The following ZNF236 variants were observed in gnomAD, a reference collection of about 807,000 sequenced individuals.
ZNF236 encodes regulated by glucose.
A neutral mutation model predicts 191.2 loss-of-function variants in ZNF236; 50 were observed. The observed-to-expected ratio is 0.26, with a 90% CI of 0.21 to 0.33. The LOEUF (loss-of-function observed/expected upper bound fraction) is 0.33, where lower values mean the gene tolerates loss of function less well. ZNF236 is among the 10% of genes least tolerant of loss of function. ZNF236 has a pLI of 1.00. For missense variants in ZNF236, 1,754 were observed against 2,374.5 expected (o/e 0.74, Z 5.43); for synonymous variants, 907 against 928.8 (o/e 0.98, Z 0.43).
rs566578899 is a variant in ZNF236, at chr18:76,922,979, C to T, written c.3558-92C>T. ...TTTTCTTGGCCAAACTTAAGCAGAACGTAGTAACACCTAATTTTAATTTAT... is the reference window on the plus strand; with the variant it reads ...TTTTCTTGGCCAAACTTAAGCAGAATGTAGTAACACCTAATTTTAATTTAT... On this transcript the variant is annotated intron_variant, in intron 20 of 30. Transcript: ENST00000320610. The T allele has an allele frequency of 8.5e-5, 80 of 941,360 alleles. No individual in the cohort carries two copies. In the African/African-American group the frequency reaches 1.1e-3, roughly 13 times the overall value. 58.3% of individuals were successfully genotyped at this position (941,360 alleles called of 1,614,324 possible). A position where few individuals can be genotyped will look rare whatever the true frequency, so the allele number is the denominator to read the frequency against.
At chr18:76,896,773 A>G (rs1174981184) in intron 10 of ZNF236, among the ~76,000 whole-genome samples, 2 of 151,690 alleles carry the variant, frequency 1.3e-5, no homozygotes, top group African/African-American at 4.8e-5. Context: ...TACAGCACAC[A>G]GGTACTGCAT....
chr18:76,906,730 C>T lies in ZNF236; in HGVS notation c.2297+1315C>T, dbSNP rs527661414. Among the ~76,000 whole-genome samples the T allele has an allele frequency of 3.3e-5, 5 of 152,230 alleles. 1 individual carries two copies. Among genetic ancestry groups the T allele is most frequent in the African/African-American group, 1.2e-4 (5 of 41,542 alleles). On this transcript the variant is annotated intron_variant, in intron 13 of 30. Transcript: ENST00000320610. ...TGCGACCATTGTTTGTCATCAGTTTCGAGGGACACATGTAGGAGATGAATG... is the reference window on the plus strand; with the variant it reads ...TGCGACCATTGTTTGTCATCAGTTTTGAGGGACACATGTAGGAGATGAATG...
chr18:76,954,245 G>A (rs470385), intron 27 of ZNF236, among the ~76,000 whole-genome samples: 20,864 of 152,130 alleles, frequency 0.14, 1,841 homozygotes, highest in East Asian at 0.36. Flanking sequence ...TTAAAGTTTC[G>A]TGTGTTTGTT....
intron 10 of ZNF236, among the ~76,000 whole-genome samples, chr18:76,896,563 A>G (rs1343467975): frequency 6.7e-6 from 1 of 149,636 alleles, no homozygotes; most frequent in Non-Finnish European, 1.5e-5. Context: ...GCACACAGGT[A>G]CCAAGCACAG....
At chr18:76,873,750 C>G (rs1284057111) in intron 5 of ZNF236, among the ~76,000 whole-genome samples, 1 of 152,166 alleles carries the variant, frequency 6.6e-6, no homozygotes, top group African/African-American at 2.4e-5. Flanking sequence ...TCTTCGCAGG[C>G]AGTGTCGTGA....
intron 1 of ZNF236, among the ~76,000 whole-genome samples, chr18:76,840,648 C>T (rs1260600913): frequency 2.1e-5 from 2 of 96,280 alleles, no homozygotes; most frequent in Non-Finnish European, 3.9e-5. Flanking sequence ...TTTTTTGAGA[C>T]GGAGTCTTGC....
At chr18:76,826,039 A>G (rs990908760) in intron 1 of ZNF236, among the ~76,000 whole-genome samples, 2 of 152,216 alleles carry the variant, frequency 1.3e-5, no homozygotes, top group African/African-American at 4.8e-5. Flanking sequence ...CCCTATTATG[A>G]ATTTCATTCC....
chr18:76,950,067 GA>G (rs1968367411), intron 27 of ZNF236, among the ~76,000 whole-genome samples: 1 of 152,150 alleles, frequency 6.6e-6, no homozygotes, highest in Non-Finnish European at 1.5e-5. Context: ...TTTGCTGGTT[GA>G]GGGTCTTGCC....
rs1483982733 is a variant in ZNF236 at position 76,972,143 on chromosome 18, AC to A, written c.*3807del. ...AATTTCAAAAGCGCCTACACGCACCACCCAATTTAATGTCGTATCTGTACTT... is the reference window on the plus strand; with the variant it reads ...AATTTCAAAAGCGCCTACACGCACCACCAATTTAATGTCGTATCTGTACTT... On this transcript the variant is annotated 3_prime_UTR_variant, in exon 31 of 31. Coordinates refer to ENST00000320610, the MANE Select transcript of ZNF236 (RefSeq NM_001306089.2). Among the ~76,000 whole-genome samples the A allele has an allele frequency of 6.6e-6, 1 of 152,178 alleles. No homozygotes were observed. Among genetic ancestry groups the A allele is most frequent in the Non-Finnish European group, 1.5e-5 (1 of 68,028 alleles).
rs375559670 is a variant in ZNF236 at position 76,947,610 on chromosome 18, G to A, written c.4872G>A (p.Thr1624=). ...GSPQVILVSH[T]PQSASAACEE... ...CGCAAGTCATACTAGTGAGCCACAC[G>A]CCACAGTCAGCGTCTGCTGCTTGTG... The change falls in exon 27 of 31, where the codon ACG becomes ACA. Residue 1624 remains threonine (T), a synonymous_variant. Transcript: ENST00000320610. 1.8e-5 allele frequency: 29 copies of A among 1,613,758 alleles called. 1 individual carries two copies. Among genetic ancestry groups the A allele is most frequent in the African/African-American group, 1.5e-4 (11 of 74,866 alleles).
rs544324667 is a variant in ZNF236, at chr18:76,950,783, C to A, written c.4914+3131C>A. 1.1e-4 allele frequency among the ~76,000 whole-genome samples: 16 copies of A among 152,326 alleles called. No homozygotes were observed. The South Asian group carries it at 3.3e-3, about 32-fold the overall frequency. On this transcript the variant is annotated intron_variant, in intron 27 of 30. Coordinates refer to ENST00000320610, the MANE Select transcript of ZNF236 (RefSeq NM_001306089.2). ...TTCCACAGATTTTCACTTTACTTTG[C>A]CCAGATCCATCATAGGAATCACTAT...
rs1967309948 is a variant in ZNF236, at chr18:76,914,718, G to A, written c.3061+820G>A. Among the ~76,000 whole-genome samples, 3 of 152,214 alleles carry A rather than the reference G, an allele frequency of 2.0e-5. No homozygotes were observed. The South Asian group carries it at 6.2e-4, about 32-fold the overall frequency. On this transcript the variant is annotated intron_variant, in intron 18 of 30. Transcript: ENST00000320610. ...CTAATCCTATGCCCATTTTAAAATT[G>A]GATTATTTGCCTTATTGAGTTGTAA...
intron 5 of ZNF236, 73 bp downstream of exon 5, chr18:76,871,898 C>T (rs11878120): frequency 1.7e-5 from 26 of 1,567,680 alleles, no homozygotes; most frequent in African/African-American, 1.6e-4. Context: ...TTTGCTAGCT[C>T]GACTTGGAAT....
At chr18:76,856,222 C>T (rs1465308859) in intron 3 of ZNF236, among the ~76,000 whole-genome samples, 2 of 150,984 alleles carry the variant, frequency 1.3e-5, no homozygotes, top group Non-Finnish European at 2.9e-5. Flanking sequence ...CAGAGTTTTG[C>T]TCTGTTGCCC....
chr18:76,928,335 CAGTT>C (rs1035406418), intron 25 of ZNF236, among the ~76,000 whole-genome samples: 17 of 152,130 alleles, frequency 1.1e-4, no homozygotes, highest in African/African-American at 3.4e-4. Flanking sequence ...TGAGTACAGT[CAGTT>C]ATTTAATTAT....
At chr18:76,848,988 C>T (rs1314665637) in intron 1 of ZNF236, among the ~76,000 whole-genome samples, 1 of 152,188 alleles carries the variant, frequency 6.6e-6, no homozygotes, top group African/African-American at 2.4e-5. Flanking sequence ...TCTTGTTTTG[C>T]AGCAGTTTTG....
In ZNF236 at chr18:76,925,127, G is replaced by A. The variant is rs1186496304; in HGVS notation, c.3662-62G>A. The A allele has an allele frequency of 6.4e-7, 1 of 1,572,126 alleles. No homozygotes were observed. Among genetic ancestry groups the A allele is most frequent in the Non-Finnish European group, 8.6e-7 (1 of 1,158,850 alleles). ...TTACATCCATAGTGACAGCTGAGTG[G>A]GGTGGGGGTGAGTGTCGCGACTGCC... On this transcript the variant is annotated intron_variant, in intron 21 of 30. Transcript: ENST00000320610. This position sits in a 1 kb window ranked among gnomAD's most constrained non-coding sequence, Gnocchi z 5.7.
chr18:76,947,784 C>G (rs76399542), intron 27 of ZNF236, 132 bp downstream of exon 27: 7 of 1,069,848 alleles, frequency 6.5e-6, no homozygotes, highest in South Asian at 1.6e-5. Context: ...GAGGTGTCCC[C>G]GGCTGAATCC....
chr18:76,897,710 G>A (rs1285906537), intron 10 of ZNF236, among the ~76,000 whole-genome samples: 1 of 151,760 alleles, frequency 6.6e-6, no homozygotes, highest in Non-Finnish European at 1.5e-5. Flanking sequence ...AACAAACACA[G>A]TACTAAACAC....
Sources: gnomAD v4.1 joint callset for allele counts (sites outside exome capture counted in the v4.1 genomes callset) on GRCh38, gnomAD v4.1.1 for gene constraint, Gnocchi (gnomAD v3.1) non-coding constraint, MANE v1.5 for transcripts, NCBI Gene and HGNC (gene_info 2026-07-23, HGNC 2026-07-21) for gene names.